The following RAET1G variants were observed in gnomAD, a reference collection of about 807,000 sequenced individuals.
RAET1G encodes UL-16 binding protein 5.
Under a neutral mutation model 29.5 loss-of-function variants are expected in RAET1G, and 25 were observed. That is an observed-to-expected ratio of 0.85 (90% CI 0.62 to 1.18). The LOEUF (loss-of-function observed/expected upper bound fraction) is 1.18, where lower values mean the gene tolerates loss of function less well. Among genes scored for constraint, RAET1G ranks in the 50% most tolerant of loss-of-function variants. RAET1G has a pLI of 0.00. For missense variants in RAET1G, 434 were observed against 423.6 expected, an observed-to-expected ratio of 1.02 and a Z score of -0.22; for synonymous variants, 167 against 159.5, an observed-to-expected ratio of 1.05 and a Z score of -0.36.
At chr6:149,921,238 C>G (rs1385243820) in intron 1 of RAET1G, among the ~76,000 whole-genome samples, 1 of 152,230 alleles carries the variant, frequency 6.6e-6, no homozygotes, top group African/African-American at 2.4e-5. Context: ...CCCAATGACC[C>G]AAGACCCCCT....
chr6:149,917,186 T>C, intron 4 of RAET1G, 112 bp from the exon 5 acceptor site: 5 of 1,396,236 alleles, frequency 3.6e-6, no homozygotes, highest in Non-Finnish European at 4.7e-6. Flanking sequence ...GAGCCAGGTG[T>C]ACAGGGCGGA....
chr6:149,922,467 G>C (rs192553298), intron 1 of RAET1G, among the ~76,000 whole-genome samples: 2 of 152,240 alleles, frequency 1.3e-5, no homozygotes, highest in East Asian at 3.9e-4. Flanking sequence ...CGCAGCCCTG[G>C]GGGTGCTGGA....
chr6:149,920,691 C>T (rs758543787), intron 1 of RAET1G, among the ~76,000 whole-genome samples: 1 of 152,030 alleles, frequency 6.6e-6, no homozygotes, highest in Admixed American at 6.6e-5. Flanking sequence ...TGGAGGTTGT[C>T]AACTGTCAGG....
chr6:149,920,412 C>T (rs1029057247), intron 1 of RAET1G, among the ~76,000 whole-genome samples: 5 of 152,106 alleles, frequency 3.3e-5, no homozygotes, highest in South Asian at 2.1e-4. Context: ...AGGCAGTAGA[C>T]GGAGGGATCA....
intron 1 of RAET1G, among the ~76,000 whole-genome samples, chr6:149,921,332 A>G (rs1562480431): frequency 1.3e-5 from 2 of 152,226 alleles, no homozygotes; most frequent in Non-Finnish European, 1.5e-5. Context: ...AGGCAAGGCA[A>G]CGCCACTCAC....
chr6:149,922,339 T>C (rs550211003), intron 1 of RAET1G, among the ~76,000 whole-genome samples: 1 of 151,282 alleles, frequency 6.6e-6, no homozygotes, highest in Admixed American at 6.6e-5. Flanking sequence ...AGGTGGGGAG[T>C]AAGAGGATGT....
At position 149,918,401 on chromosome 6, in the gene RAET1G, A is replaced by G. The variant is rs186683206; in HGVS notation, c.632-17T>C. On this transcript the variant is annotated splice_polypyrimidine_tract_variant and intron_variant, in intron 3 of 4. Transcript: ENST00000367360. ...TGGGTGGTGCTGAAATGGAAGCACA[A>G]GAGTGACAACCCTTGTCCAGGCCCC... 1,565 of 1,612,844 alleles carry G rather than the reference A, an allele frequency of 9.7e-4. 15 individuals are homozygous for G. The African/African-American group carries it at 0.02, about 20-fold the overall frequency.
At chr6:149,918,030 A>G in intron 4 of RAET1G, 144 bp downstream of exon 4, 1 of 757,450 alleles carries the variant, frequency 1.3e-6, no homozygotes, top group Non-Finnish European at 2.2e-6. Flanking sequence ...CATTTCCAAC[A>G]AGCAACACAA....
In RAET1G at chr6:149,919,713, G is replaced by A. The variant is rs754768099; in HGVS notation, c.189C>T (p.His63=). Residue 63 remains histidine, a synonymous_variant, in exon 2 of 5, where the codon CAC becomes CAT. Coordinates refer to ENST00000367360, the MANE Select transcript of RAET1G (RefSeq NM_001001788.4). The part of the protein sequence containing the change: ...QGQVDEKTFL[H]YDCGSKTVTP... The stretch of plus-strand genomic sequence containing the variant: ...TGACTGTCTTGCTGCCACAGTCATA[G>A]TGAAGAAAAGTCTTTTCATCCACCT... 3.7e-6 allele frequency: 6 copies of A among 1,613,934 alleles called. No homozygotes were observed. The highest frequency in any genetic ancestry group is 5.1e-6 in the Non-Finnish European group (6 of 1,179,882).
At position 149,919,635 on chromosome 6, in the gene RAET1G, T is replaced by C. The variant is rs1292472793; in HGVS notation, c.267A>G (p.Ala89=). 4 of 1,613,912 alleles carry C rather than the reference T, an allele frequency of 2.5e-6. No homozygotes were observed. The highest frequency in any genetic ancestry group is 3.4e-6 in the Non-Finnish European group (4 of 1,179,880). The change falls in exon 2 of 5, where the codon GCA becomes GCG. Residue 89 remains alanine (A), a synonymous_variant. Transcript: ENST00000367360. ...CCACCTCTCTCAGTACTGGGTTCTG[T>C]GCTTTCCAGGCCGTTGTGACATTTA... ...KKLNVTTAWK[A]QNPVLREVVD... is the part of the protein sequence containing the mutation.
intron 1 of RAET1G, among the ~76,000 whole-genome samples, chr6:149,922,515 G>A (rs1778618427): frequency 6.6e-6 from 1 of 152,126 alleles, no homozygotes; most frequent in African/African-American, 2.4e-5. Context: ...AACAGAGCAG[G>A]CTGGTGGCTG....
rs1254046562 is a variant in RAET1G, at chr6:149,917,031, G to A, written c.886C>T (p.Arg296Cys). The A allele has an allele frequency of 6.4e-7, 1 of 1,550,408 alleles. No individual in the cohort carries two copies. The highest frequency in any genetic ancestry group is 8.7e-7 in the Non-Finnish European group (1 of 1,146,178). The change falls in exon 5 of 5, where the codon CGC becomes TGC. Residue 296 changes from arginine to cysteine, a missense_variant. Transcript: ENST00000367360. ...KRPLSGGHVT[R>C]VTLPIIGDDS... ...TCTCCAATGATAGGTAAAGTCACGC[G>A]AGTCACGTGTCCACCAGACAAGGGG...
In RAET1G at chr6:149,919,209, G is replaced by C. The variant is rs746686433; in HGVS notation, c.465C>G (p.Asn155Lys). The C allele has an allele frequency of 6.2e-7, 1 of 1,614,150 alleles. No homozygotes were observed. The highest frequency in any genetic ancestry group is 8.5e-7 in the Non-Finnish European group (1 of 1,180,024). ...GQIFLLFDSE[N>K]RMWTTVHPGA... Reference sequence around the variant, plus strand: ...CAGGATGAACCGTTGTCCACATTCTGTTTTCTGAGTCAAAGAGGAGGAAGA... The same window carrying C: ...CAGGATGAACCGTTGTCCACATTCTCTTTTCTGAGTCAAAGAGGAGGAAGA... Residue 155 changes from asparagine (N) to lysine (K), a missense_variant, in exon 3 of 5, where the codon AAC (asparagine) becomes AAG (lysine). Transcript: ENST00000367360.
rs1246687347 is a variant in RAET1G, at chr6:149,919,506, C to T, written c.349+47G>A. On this transcript the variant is annotated intron_variant, in intron 2 of 4. Transcript: ENST00000367360. ...CATGAAAACTATAAATGCCTCTAAC[C>T]TACCACTGTATCTGCTCCCTGCTGT... 4.3e-6 allele frequency: 7 copies of T among 1,614,004 alleles called. No individual in the cohort carries two copies. In the East Asian group the frequency reaches 6.7e-5, roughly 15 times the overall value.
intron 3 of RAET1G, chr6:149,918,808 C>A: frequency 1.5e-6 from 1 of 657,452 alleles, no homozygotes. Flanking sequence ...GGTGAGAAAT[C>A]CACAGTGTGG....
chr6:149,917,947 G>A (rs1294384645), intron 4 of RAET1G, among the ~76,000 whole-genome samples: 1 of 152,190 alleles, frequency 6.6e-6, no homozygotes, highest in Non-Finnish European at 1.5e-5. Flanking sequence ...GCCTTGGTAT[G>A]GCACCACTGC....
Position 149,918,306 on chromosome 6 carries a change from A to G in RAET1G, c.710T>C (p.Met237Thr), listed in dbSNP as rs1210216357. Residue 237 changes from methionine (M) to threonine (T), a missense_variant, in exon 4 of 5, where the codon ATG becomes ACG. Physicochemically the swap from Met to Thr is moderately conservative, Grantham distance 81. Transcript: ENST00000367360. ...TTLILCCLLIMCLLICSRHSL... is the reference protein window; with the variant it reads ...TTLILCCLLITCLLICSRHSL... Reference sequence around the variant, plus strand: ...GTGCCTGGAGCATATGAGGAGACACATGATGAGGAGGCAGCAAAGGATGAG... The same window carrying G: ...GTGCCTGGAGCATATGAGGAGACACGTGATGAGGAGGCAGCAAAGGATGAG... 1.2e-6 allele frequency: 2 copies of G among 1,614,108 alleles called. No homozygotes were observed.
chr6:149,922,990 G>C lies in RAET1G; in HGVS notation c.21C>G (p.Pro7=). The change falls in exon 1 of 5, where the codon CCC becomes CCG. Residue 7 remains proline (P), a synonymous_variant. Coordinates refer to ENST00000367360, the MANE Select transcript of RAET1G (RefSeq NM_001001788.4). MAAAAS[P]AFLLRLPLLL... ...GAAGCGGGAGGCGTAGAAGGAACGC[G>C]GGGCTGGCGGCCGCTGCCATTGGGG... is the stretch of plus-strand genomic sequence containing the variant. 4 of 1,604,216 alleles carry C rather than the reference G, an allele frequency of 2.5e-6. No individual in the cohort carries two copies. Among genetic ancestry groups the C allele is most frequent in the South Asian group, 2.3e-5 (2 of 88,752 alleles).
In RAET1G at chr6:149,919,319, G is replaced by C. The variant is rs201730562; in HGVS notation, c.355C>G (p.Leu119Val). 9.3e-6 allele frequency: 15 copies of C among 1,613,592 alleles called. No homozygotes were observed. In the East Asian group the frequency reaches 3.1e-4, roughly 34 times the overall value. The change falls in exon 3 of 5, where the codon CTC becomes GTC. Residue 119 changes from leucine to valine, a missense_variant. By Grantham distance (32) the Leu-to-Val change is conservative (BLOSUM62 1). Coordinates refer to ENST00000367360, the MANE Select transcript of RAET1G (RefSeq NM_001001788.4). ...CAAGACATCCTGGCCTGCAGGGTGA[G>C]GGGTTCTGCCCCCATCAAAGAGAGA... is the stretch of plus-strand genomic sequence containing the variant. The part of the protein sequence containing the change: ...QLENYIPKEP[L>V]TLQARMSCEQ...
Sources: allele counts gnomAD v4.1 joint callset (sites outside exome capture counted in the v4.1 genomes callset), GRCh38; gene constraint gnomAD v4.1.1; transcripts MANE v1.5; gene names NCBI Gene and HGNC (gene_info 2026-07-23, HGNC 2026-07-21).